The following MTUS1 variants were observed in gnomAD, a reference collection of about 807,000 sequenced individuals.
The protein encoded by MTUS1 is microtubule-associated tumor suppressor 1.
A neutral mutation model predicts 120.8 loss-of-function variants in MTUS1; 109 were observed. That is an observed-to-expected ratio of 0.90 (90% CI 0.77 to 1.06). The LOEUF (loss-of-function observed/expected upper bound fraction) is 1.06, where lower values mean the gene tolerates loss of function less well. MTUS1 is among the 50% of genes least tolerant of loss of function. The probability of loss-of-function intolerance (pLI) is 0.00; values close to 1 mark genes in which losing one functional copy is unlikely to be tolerated. For synonymous variants in MTUS1, 737 were observed against 550.5 expected (o/e 1.34, Z -4.74); for missense variants, 2,210 against 1,486.3 (o/e 1.49, Z -8.01).
chr8:17,789,914 G>A (rs1216865207), intron 1 of MTUS1, among the ~76,000 whole-genome samples: 1 of 152,108 alleles, frequency 6.6e-6, no homozygotes, highest in Non-Finnish European at 1.5e-5. Context: ...GGTTTTGTGA[G>A]GGCATTCGTC....
rs957302285 is a variant in MTUS1 at position 17,654,738 on chromosome 8, A to G, written c.3109-72T>C. The G allele has an allele frequency of 2.8e-5, 28 of 1,012,000 alleles. No individual in the cohort carries two copies. In the South Asian group the frequency reaches 3.6e-4, roughly 13 times the overall value. The allele number at this position is 1,012,000 out of a possible 1,614,324, so 62.7% of individuals were successfully genotyped here. On this transcript the variant is annotated intron_variant, in intron 9 of 14. Transcript: ENST00000693296. The stretch of plus-strand genomic sequence containing the variant: ...CCTAAGTTGAATACGCAAAGCAACC[A>G]CATTAGGAGACGTCACAGCTTCACA...
chr8:17,758,935 G>A (rs1563341346), intron 1 of MTUS1, among the ~76,000 whole-genome samples: 1 of 152,216 alleles, frequency 6.6e-6, no homozygotes, highest in Non-Finnish European at 1.5e-5. Flanking sequence ...GGGCTGGAGT[G>A]CAGTGGCGCG....
At chr8:17,685,061 C>A (rs753762467) in intron 6 of MTUS1, among the ~76,000 whole-genome samples, 2 of 152,146 alleles carry the variant, frequency 1.3e-5, no homozygotes, top group Non-Finnish European at 2.9e-5. Flanking sequence ...ATTTCCTAAT[C>A]TCTAATAAAT....
intron 1 of MTUS1, among the ~76,000 whole-genome samples, chr8:17,766,231 T>G (rs537759381): frequency 1.3e-5 from 2 of 152,292 alleles, no homozygotes; most frequent in African/African-American, 4.8e-5. Flanking sequence ...CATGCAATTT[T>G]AAAAAGAACA....
chr8:17,692,903 A>G (rs183835100), intron 6 of MTUS1, among the ~76,000 whole-genome samples: 18 of 152,324 alleles, frequency 1.2e-4, no homozygotes, highest in African/African-American at 4.1e-4. Flanking sequence ...TTGTTCTGAT[A>G]CTACCTCTGC....
At chr8:17,656,621 G>C (rs1256374082) in intron 8 of MTUS1, among the ~76,000 whole-genome samples, 1 of 140,370 alleles carries the variant, frequency 7.1e-6, no homozygotes, top group Non-Finnish European at 1.5e-5. Context: ...AGGTTTCTAA[G>C]AGAAGATCCC....
At chr8:17,668,736 A>T (rs1171334668) in intron 8 of MTUS1, among the ~76,000 whole-genome samples, 2 of 152,162 alleles carry the variant, frequency 1.3e-5, no homozygotes, top group African/African-American at 4.8e-5. Context: ...GGTCAACTTG[A>T]ATCACAGGGG....
At chr8:17,748,711 C>T (rs74931030) in intron 2 of MTUS1, among the ~76,000 whole-genome samples, 8,533 of 151,750 alleles carry the variant, frequency 0.056, 321 homozygotes, top group East Asian at 0.18. Flanking sequence ...CACTCCTGCC[C>T]GCAAGAGGTT....
chr8:17,669,730 AGCTACTC>A (rs1408466746), intron 8 of MTUS1, among the ~76,000 whole-genome samples: 2 of 152,116 alleles, frequency 1.3e-5, no homozygotes, highest in Non-Finnish European at 2.9e-5. Context: ...CTGTATTCCC[AGCTACTC>A]GGGACGCTGA....
At chr8:17,719,433 T>C (rs1040939910) in intron 4 of MTUS1, among the ~76,000 whole-genome samples, 4 of 152,166 alleles carry the variant, frequency 2.6e-5, no homozygotes. Context: ...CTCAACTATA[T>C]AATAACAAGA....
At chr8:17,779,303 G>T (rs754177230) in intron 1 of MTUS1, among the ~76,000 whole-genome samples, 7 of 152,160 alleles carry the variant, frequency 4.6e-5, no homozygotes, top group Non-Finnish European at 8.8e-5. Flanking sequence ...TTTTAAAACA[G>T]CCTAAAGACA....
rs182423381 is a variant in MTUS1 at position 17,780,310 on chromosome 8, C to T, written c.-155+20751G>A. On this transcript the variant is annotated intron_variant, in intron 1 of 14. Coordinates refer to ENST00000693296, the MANE Select transcript of MTUS1 (RefSeq NM_001363059.2). ...AAGCTGCCTGCGGCCTCATCAGAAG[C>T]ACATGCCAGCAACATGCTTCCTGCA... 5.2e-3 allele frequency among the ~76,000 whole-genome samples: 798 copies of T among 152,294 alleles called. 5 individuals carry two copies. The highest frequency in any genetic ancestry group is 0.018 in the African/African-American group (764 of 41,560).
At chr8:17,719,194 T>C (rs17125195) in intron 4 of MTUS1, among the ~76,000 whole-genome samples, 3,036 of 152,258 alleles carry the variant, frequency 0.02, 46 homozygotes, top group South Asian at 0.046. Context: ...GGGCTTCTCA[T>C]TGTTTCAGAC....
intron 3 of MTUS1, among the ~76,000 whole-genome samples, chr8:17,731,652 A>T (rs1208021402): frequency 6.6e-6 from 1 of 152,214 alleles, no homozygotes; most frequent in East Asian, 1.9e-4. Context: ...AGTGAAAAAA[A>T]ATTAAGAAAT....
At chr8:17,647,490 G>A (rs1052001769) in intron 13 of MTUS1, among the ~76,000 whole-genome samples, 3 of 151,566 alleles carry the variant, frequency 2.0e-5, no homozygotes, top group African/African-American at 7.3e-5. Context: ...CACATCTGAT[G>A]AAAACTCACA....
intron 1 of MTUS1, among the ~76,000 whole-genome samples, chr8:17,760,941 A>G (rs190634055): frequency 5.9e-5 from 9 of 152,302 alleles, no homozygotes; most frequent in Admixed American, 5.9e-4. Flanking sequence ...CAAAGGTATA[A>G]CACTTGTGTA....
chr8:17,719,155 G>A (rs1045498007), intron 4 of MTUS1, among the ~76,000 whole-genome samples: 2 of 152,044 alleles, frequency 1.3e-5, no homozygotes, highest in African/African-American at 4.8e-5. Context: ...GGGCAACAGA[G>A]TGAGACTCTG....
intron 1 of MTUS1, among the ~76,000 whole-genome samples, chr8:17,765,871 T>C (rs927867995): frequency 6.6e-6 from 1 of 152,090 alleles, no homozygotes. Flanking sequence ...TCAGGTACCA[T>C]AGGGCTTCTA....
At chr8:17,678,929 A>C (rs1813682413) in intron 7 of MTUS1, among the ~76,000 whole-genome samples, 1 of 152,180 alleles carries the variant, frequency 6.6e-6, no homozygotes, top group Non-Finnish European at 1.5e-5. Context: ...CGTCTAACTA[A>C]GCAAGGATAA....
Sources: gnomAD v4.1 joint callset for allele counts (sites outside exome capture counted in the v4.1 genomes callset) on GRCh38, gnomAD v4.1.1 for gene constraint, MANE v1.5 for transcripts, NCBI Gene and HGNC (gene_info 2026-07-23, HGNC 2026-07-21) for gene names.